Variants in GPM6A observed in about 807,000 individuals in gnomAD.
GPM6A encodes the protein neuronal membrane glycoprotein M6-a.
GPM6A carries 7 observed loss-of-function variants against 32.1 expected under a neutral mutation model. The ratio of observed to expected loss-of-function variants is 0.22; its 90% CI spans 0.12 to 0.41. The LOEUF (loss-of-function observed/expected upper bound fraction) is 0.41. GPM6A is among the 10% of genes least tolerant of loss of function. The pLI, the probability that GPM6A is intolerant of heterozygous loss-of-function variation, is 1.00. For missense variants in GPM6A, 235 were observed against 347.2 expected (o/e 0.68, Z 2.57); for synonymous variants, 130 against 123.4 (o/e 1.05, Z -0.35).
Position 175,742,851 on chromosome 4 carries a change from ATAAT to A in GPM6A, c.38-41088_38-41085del, listed in dbSNP as rs550949558. On this transcript the variant is annotated intron_variant, in intron 1 of 6. Transcript: ENST00000393658. ...AAAGTCAAAGACATGATCTCCTTAA[ATAAT>A]TAATTATTTAGCCAGGCATGGTGGC... 1.1e-4 allele frequency among the ~76,000 whole-genome samples: 17 copies of A among 152,164 alleles called. No homozygotes were observed. The South Asian group carries it at 3.3e-3, about 30-fold the overall frequency.
At position 175,923,255 on chromosome 4, in the gene GPM6A, T is replaced by C. The variant is rs1738727959; in HGVS notation, c.-23+79054A>G. Among the ~76,000 whole-genome samples, 5 of 142,408 alleles carry C rather than the reference T, an allele frequency of 3.5e-5. No individual in the cohort carries two copies. In the South Asian group the frequency reaches 8.9e-4, roughly 25 times the overall value. 93.4% of individuals were successfully genotyped at this position (142,408 alleles called of 152,430 possible). On this transcript the variant is annotated intron_variant, in intron 1 of 7. Coordinates refer to the GPM6A transcript ENST00000280187. The stretch of plus-strand genomic sequence containing the variant: ...TATATATATATATATATACACAACA[T>C]ACAAGTGAAAAGATTAACAACTTGA...
At chr4:175,714,994 G>GAAAA (rs34494840) in intron 1 of GPM6A, among the ~76,000 whole-genome samples, 2 of 105,378 alleles carry the variant, frequency 1.9e-5, no homozygotes, top group African/African-American at 6.5e-5. Context: ...ATCCCTGGAA[G>GAAAA]AAAAAAAAAA....
At chr4:175,904,483 T>A (rs1429404732) in intron 1 of GPM6A, among the ~76,000 whole-genome samples, 1 of 152,102 alleles carries the variant, frequency 6.6e-6, no homozygotes, top group Non-Finnish European at 1.5e-5. Flanking sequence ...CATAAACACA[T>A]ATAAAATGCA....
At chr4:175,979,277 C>T (rs1740752630) in intron 1 of GPM6A, among the ~76,000 whole-genome samples, 1 of 150,818 alleles carries the variant, frequency 6.6e-6, no homozygotes, top group African/African-American at 2.5e-5. Flanking sequence ...TATTTAATCA[C>T]CATACTGCCT....
At chr4:175,755,568 C>A (rs1280663640) in intron 1 of GPM6A, among the ~76,000 whole-genome samples, 1 of 152,110 alleles carries the variant, frequency 6.6e-6, no homozygotes, top group East Asian at 1.9e-4. Context: ...AAAACTAACT[C>A]ATTTTCCTTA....
At chr4:175,681,188 G>C (rs1743665454) in intron 2 of GPM6A, among the ~76,000 whole-genome samples, 1 of 152,076 alleles carries the variant, frequency 6.6e-6, no homozygotes, top group South Asian at 2.1e-4. Flanking sequence ...CTCTCTATAG[G>C]TCTTGTACCA....
chr4:175,802,856 G>A (rs192054552), intron 1 of GPM6A, among the ~76,000 whole-genome samples: 104 of 152,138 alleles, frequency 6.8e-4, no homozygotes, highest in Non-Finnish European at 1.2e-3. Context: ...AAAAATATGT[G>A]TGGGCTCTTT....
At chr4:175,636,885 C>A (rs903268970) in intron 6 of GPM6A, among the ~76,000 whole-genome samples, 1 of 138,638 alleles carries the variant, frequency 7.2e-6, no homozygotes, top group African/African-American at 2.7e-5. Flanking sequence ...TGAGGAAGCA[C>A]CTGTTTCTGA....
intron 3 of GPM6A, among the ~76,000 whole-genome samples, chr4:175,654,564 T>G (rs552160382): frequency 1.3e-5 from 2 of 152,150 alleles, no homozygotes; most frequent in Non-Finnish European, 2.9e-5. Flanking sequence ...TATAGTCTTA[T>G]AGAATAAAGG....
intron 6 of GPM6A, among the ~76,000 whole-genome samples, chr4:175,637,693 A>T (rs1315559241): frequency 2.8e-3 from 5 of 1,770 alleles, no homozygotes; most frequent in Admixed American, 0.023. Flanking sequence ...ATAATATATA[A>T]TATATTATAT....
At chr4:175,711,215 G>A in intron 1 of GPM6A, among the ~76,000 whole-genome samples, 1 of 151,370 alleles carries the variant, frequency 6.6e-6, no homozygotes, top group African/African-American at 2.4e-5. Flanking sequence ...AACAAAAAAG[G>A]TTTTCTTGCT....
At chr4:175,703,173 CT>C (rs1242731099) in intron 1 of GPM6A, among the ~76,000 whole-genome samples, 3 of 151,966 alleles carry the variant, frequency 2.0e-5, no homozygotes, top group South Asian at 4.1e-4. Flanking sequence ...ACTATTATTA[CT>C]TTTGGGGGTG....
chr4:175,670,861 A>ATTTTTTTTTTTTTTTTTTTTTTTTTT (rs33998725), intron 3 of GPM6A, among the ~76,000 whole-genome samples: 1 of 124,174 alleles, frequency 8.1e-6, no homozygotes, highest in Non-Finnish European at 1.7e-5. Flanking sequence ...ATGTTGCTTC[A>ATTTTTTTTTTTTTTTTTTTTTTTTTT]TTTTTTTTTT....
intron 1 of GPM6A, among the ~76,000 whole-genome samples, chr4:175,791,687 A>G (rs1734019555): frequency 6.6e-6 from 1 of 152,178 alleles, no homozygotes; most frequent in South Asian, 2.1e-4. Context: ...TATCAGAATG[A>G]AAGCACTCAT....
chr4:175,984,735 T>C (rs917633976), intron 1 of GPM6A, among the ~76,000 whole-genome samples: 1 of 152,208 alleles, frequency 6.6e-6, no homozygotes, highest in Non-Finnish European at 1.5e-5. Flanking sequence ...ATTAGATCTT[T>C]ATTAGGTAAC....
intron 1 of GPM6A, among the ~76,000 whole-genome samples, chr4:175,848,937 A>C (rs752244472): frequency 9.9e-5 from 15 of 152,194 alleles, no homozygotes; most frequent in Admixed American, 2.6e-4. Flanking sequence ...ATATGAGGAA[A>C]AGTGATAAAT....
chr4:175,807,176 T>C (rs1398283335), intron 1 of GPM6A, among the ~76,000 whole-genome samples: 1 of 152,244 alleles, frequency 6.6e-6, no homozygotes, highest in African/African-American at 2.4e-5. Flanking sequence ...AATATTATAC[T>C]ACCAATACTT....
intron 1 of GPM6A, among the ~76,000 whole-genome samples, chr4:175,789,172 C>T (rs538598799): frequency 5.3e-5 from 8 of 152,198 alleles, no homozygotes; most frequent in East Asian, 1.9e-4. Context: ...ATATTTAATA[C>T]GTCTTCTTTT....
Position 175,722,819 on chromosome 4 carries a change from G to A in GPM6A, c.38-21052C>T, listed in dbSNP as rs1416437183. On this transcript the variant is annotated intron_variant, in intron 1 of 6. Transcript: ENST00000393658. ...AGCCCTTTGGGAGGCTAAGGCGGGC[G>A]AATCGCTTGAGCCCAGGAGTTCGAG... 5.3e-5 allele frequency among the ~76,000 whole-genome samples: 8 copies of A among 152,052 alleles called. No individual in the cohort carries two copies. In the East Asian group the frequency reaches 5.8e-4, roughly 11 times the overall value.
Sources: allele counts gnomAD v4.1 joint callset (sites outside exome capture counted in the v4.1 genomes callset), GRCh38; gene constraint gnomAD v4.1.1; transcripts MANE v1.5; gene names NCBI Gene and HGNC (gene_info 2026-07-23, HGNC 2026-07-21).